The following C16orf89 variants were observed in gnomAD, a reference collection of about 807,000 sequenced individuals.
The protein encoded by C16orf89 is chromosome 16 open reading frame 89, also known as UPF0764 protein C16orf89.
Under a neutral mutation model 41.5 loss-of-function variants are expected in C16orf89, and 57 were observed. The ratio of observed to expected loss-of-function variants is 1.38; its 90% CI spans 1.11 to 1.71. The LOEUF is 1.71. Ranked by LOEUF, C16orf89 falls within the 40% of genes most tolerant of loss-of-function variation. The pLI is 0.00. For missense variants in C16orf89, 575 were observed against 445.9 expected, an observed-to-expected ratio of 1.29 and a Z score of -2.61; for synonymous variants, 223 against 190.6, an observed-to-expected ratio of 1.17 and a Z score of -1.40.
intron 4 of C16orf89, among the ~76,000 whole-genome samples, chr16:5,056,443 A>C (rs947178241): frequency 4.6e-5 from 7 of 152,156 alleles, no homozygotes; most frequent in Non-Finnish European, 8.8e-5. Context: ...TCTGAGCCTC[A>C]AGAGTTTTTA....
intron 6 of C16orf89, among the ~76,000 whole-genome samples, chr16:5,053,744 G>T (rs2142631032): frequency 6.6e-6 from 1 of 152,202 alleles, no homozygotes; most frequent in East Asian, 1.9e-4. Flanking sequence ...ATGGAGTTTT[G>T]CCATGTTGGC....
chr16:5,044,618 G>T, intron 7 of C16orf89, 140 bp from the exon 8 acceptor site: 1 of 1,444,308 alleles, frequency 6.9e-7, no homozygotes, highest in Non-Finnish European at 9.3e-7. Context: ...GAGGTGGGCG[G>T]ATCTCTTGAG....
intron 2 of C16orf89, among the ~76,000 whole-genome samples, chr16:5,061,565 C>A (rs1207245373): frequency 6.9e-6 from 1 of 145,834 alleles, no homozygotes; most frequent in African/African-American, 2.6e-5. Context: ...TATTGGTAGA[C>A]CTTTTGGTTT....
At chr16:5,055,406 C>A (rs1033289126) in intron 5 of C16orf89, 56 bp from the exon 6 acceptor site, 1 of 1,453,438 alleles carries the variant, frequency 6.9e-7, no homozygotes, top group East Asian at 2.4e-5. Context: ...CACCTCCTCC[C>A]ACTCCCCAGG....
In C16orf89 at chr16:5,065,698, C is replaced by G. The variant is rs757903920; in HGVS notation, c.208+3G>C. ...CCAGCCAGAGGAATTGGGGCTCACT[C>G]ACCTTCCAGCACTCGGACCCCCACC... On this transcript the variant is annotated splice_donor_region_variant and intron_variant, in intron 1 of 7. Transcript: ENST00000472572. The G allele has an allele frequency of 3.1e-6, 5 of 1,610,808 alleles. No homozygotes were observed. The highest frequency in any genetic ancestry group is 4.2e-6 in the Non-Finnish European group (5 of 1,177,134).
At chr16:5,063,682 C>G (rs888903851) in intron 1 of C16orf89, among the ~76,000 whole-genome samples, 3 of 152,224 alleles carry the variant, frequency 2.0e-5, no homozygotes, top group Non-Finnish European at 2.9e-5. Flanking sequence ...AGGCTGCACA[C>G]ACCTTATGAG....
Position 5,044,305 on chromosome 16 carries a change from G to A in C16orf89, c.*43C>T. 3 of 1,554,038 alleles carry A rather than the reference G, an allele frequency of 1.9e-6. No homozygotes were observed. Among genetic ancestry groups the A allele is most frequent in the Non-Finnish European group, 2.6e-6 (3 of 1,152,250 alleles). On this transcript the variant is annotated 3_prime_UTR_variant, in exon 8 of 8. Coordinates refer to ENST00000472572, the MANE Select transcript of C16orf89 (RefSeq NM_001098514.3). Reference sequence around the variant, plus strand: ...AGGATCTAAGGGATGAGGACTAAAGGGGTCTGTTCCTCCTCCAGGCAGCTG... The same window carrying A: ...AGGATCTAAGGGATGAGGACTAAAGAGGTCTGTTCCTCCTCCAGGCAGCTG...
Position 5,044,255 on chromosome 16 carries a change from T to A in C16orf89, c.*93A>T. 6 of 1,466,342 alleles carry A rather than the reference T, an allele frequency of 4.1e-6. No individual in the cohort carries two copies. Among genetic ancestry groups the A allele is most frequent in the Non-Finnish European group, 5.4e-6 (6 of 1,112,906 alleles). The allele number at this position is 1,466,342 out of a possible 1,614,324, so 90.8% of individuals were successfully genotyped here. A position where few individuals can be genotyped will look rare whatever the true frequency, so the allele number is the denominator to read the frequency against. On this transcript the variant is annotated 3_prime_UTR_variant, in exon 8 of 8. Transcript: ENST00000472572. ...TTTGCTTATCCTCCAGATGCCTTCT[T>A]CCCAGGATGTGATCCGTGCCCTCCA...
At chr16:5,056,279 G>A (rs1234658958) in intron 4 of C16orf89, 91 bp from the exon 5 acceptor site, 5 of 1,263,486 alleles carry the variant, frequency 4.0e-6, no homozygotes, top group Non-Finnish European at 3.3e-6. Context: ...GTTCTGAGAC[G>A]GTCTTGCAAG....
chr16:5,060,336 T>A lies in C16orf89; in HGVS notation c.459A>T (p.Ser153=). The change falls in exon 3 of 8, where the codon TCA becomes TCT. Residue 153 remains serine, a synonymous_variant. Coordinates refer to ENST00000472572, the MANE Select transcript of C16orf89 (RefSeq NM_001098514.3). ...ACACGTCACTTCTCTCCTCTGAGAATGAGTCCTGGGGCCCGAACGTGGGGT... is the reference window on the plus strand; with the variant it reads ...ACACGTCACTTCTCTCCTCTGAGAAAGAGTCCTGGGGCCCGAACGTGGGGT... The part of the protein sequence containing the change: ...LVYPTFGPQD[S]FSEERSDVCL... The A allele has an allele frequency of 6.2e-7, 1 of 1,613,332 alleles. No individual in the cohort carries two copies.
chr16:5,044,340 C>G lies in C16orf89; in HGVS notation c.*8G>C, dbSNP rs769081751. 1.3e-6 allele frequency: 2 copies of G among 1,593,982 alleles called. No individual in the cohort carries two copies. Among genetic ancestry groups the G allele is most frequent in the African/African-American group, 2.7e-5 (2 of 74,244 alleles). On this transcript the variant is annotated 3_prime_UTR_variant, in exon 8 of 8. Coordinates refer to ENST00000472572, the MANE Select transcript of C16orf89 (RefSeq NM_001098514.3). ...CTCCTCCAGGCAGCTGGCATGGAAC[C>G]GTCCGTCTCAGCGGCTGCTTGGTGG...
rs572422519 is a variant in C16orf89 at position 5,044,435 on chromosome 16, C to T, written c.999G>A (p.Leu333=). 1.2e-6 allele frequency: 2 copies of T among 1,612,898 alleles called. No individual in the cohort carries two copies. The highest frequency in any genetic ancestry group is 2.2e-5 in the South Asian group (2 of 91,004). ...SHNTATAVAA[L]GGFLYILAEY... ...CTGCCAGGATGTATAGGAAGCCACC[C>T]AGGGCTGCCACTGCTGTGGCTGTGT... The change falls in exon 8 of 8, where the codon CTG becomes CTA. Residue 333 remains leucine, a synonymous_variant. Coordinates refer to ENST00000472572, the MANE Select transcript of C16orf89 (RefSeq NM_001098514.3).
intron 6 of C16orf89, among the ~76,000 whole-genome samples, chr16:5,053,378 AAG>A (rs1251107336): frequency 6.6e-6 from 1 of 151,898 alleles, no homozygotes; most frequent in East Asian, 1.9e-4. Flanking sequence ...TCTAAAAAAA[AAG>A]AAGTGGAGTG....
chr16:5,055,694 A>G, intron 5 of C16orf89: 3 of 1,535,672 alleles, frequency 2.0e-6, no homozygotes, highest in Non-Finnish European at 2.6e-6. Context: ...CACCTGGTCC[A>G]TCTGTGTAGA....
chr16:5,062,458 A>T lies in C16orf89; in HGVS notation c.325T>A (p.Tyr109Asn). ...TACTTGGGATCACTCAGCTTGAGGT[A>T]GTGGAGGGATCTCTGGATGGCAGCC... ...LEAAIQRSLH[Y>N]LKLSDPKYLR... The change falls in exon 2 of 8, where the codon TAC becomes AAC. Residue 109 changes from tyrosine to asparagine, a missense_variant. Coordinates refer to ENST00000472572, the MANE Select transcript of C16orf89 (RefSeq NM_001098514.3). The T allele has an allele frequency of 1.2e-6, 2 of 1,614,078 alleles. No individual in the cohort carries two copies. Among genetic ancestry groups the T allele is most frequent in the South Asian group, 2.2e-5 (2 of 91,076 alleles).
Position 5,058,613 on chromosome 16 carries a change from G to T in C16orf89, c.510-3C>A. ...CGCAGGGCTCGCTGCTGTCCGTCCT[G>T]GGGGAAAGTGGTTCCAAGCTGTTAA... On this transcript the variant is annotated splice_region_variant and splice_polypyrimidine_tract_variant and intron_variant, in intron 3 of 7. Transcript: ENST00000472572. 6.2e-7 allele frequency: 1 copy of T among 1,604,416 alleles called. No homozygotes were observed. Among genetic ancestry groups the T allele is most frequent in the East Asian group, 2.3e-5 (1 of 44,292 alleles).
chr16:5,047,862 T>C lies in C16orf89; in HGVS notation c.955+16A>G, dbSNP rs755186488. ...TTAGTTTCATGTCAAGAAACTCCCTTGGGTATTTTCATTACCTGGAAATTG... is the reference window on the plus strand; with the variant it reads ...TTAGTTTCATGTCAAGAAACTCCCTCGGGTATTTTCATTACCTGGAAATTG... On this transcript the variant is annotated intron_variant, in intron 7 of 7. Coordinates refer to ENST00000472572, the MANE Select transcript of C16orf89 (RefSeq NM_001098514.3). 5 of 1,439,814 alleles carry C rather than the reference T, an allele frequency of 3.5e-6. No homozygotes were observed. Among genetic ancestry groups the C allele is most frequent in the Non-Finnish European group, 4.9e-6 (5 of 1,023,454 alleles). The allele number at this position is 1,439,814 out of a possible 1,614,324, so 89.2% of individuals were successfully genotyped here.
intron 5 of C16orf89, 107 bp downstream of exon 5, chr16:5,055,938 CGTGTGTGT>C (rs531301214): frequency 0.041 from 36,731 of 902,746 alleles, 505 homozygotes; most frequent in East Asian, 0.085. Flanking sequence ...CTGGCAACTC[CGTGTGTGT>C]GTGTGTGTGT....
intron 2 of C16orf89, 66 bp from the exon 3 acceptor site, chr16:5,060,502 G>GT: frequency 6.7e-7 from 1 of 1,493,414 alleles, no homozygotes; most frequent in Non-Finnish European, 9.1e-7. Context: ...GGCCACCCTG[G>GT]TGTCCCCACC....
Sources: gnomAD v4.1 joint callset for allele counts (sites outside exome capture counted in the v4.1 genomes callset) on GRCh38, gnomAD v4.1.1 for gene constraint, MANE v1.5 for transcripts, NCBI Gene and HGNC (gene_info 2026-07-23, HGNC 2026-07-21) for gene names.